Variants in NHSL1 observed in about 807,000 individuals in gnomAD.
NHSL1 encodes NHS-like protein 1.
A neutral mutation model predicts 95.0 loss-of-function variants in NHSL1; 48 were observed. That is an observed-to-expected ratio of 0.51 (90% confidence interval 0.40 to 0.64). The LOEUF (loss-of-function observed/expected upper bound fraction) is 0.64. NHSL1 is among the 30% of genes least tolerant of loss of function. The pLI is 0.00. For synonymous variants in NHSL1, 783 were observed against 833.9 expected, an observed-to-expected ratio of 0.94 and a Z score of 1.05; for missense variants, 1,971 against 2,077.7, an observed-to-expected ratio of 0.95 and a Z score of 1.00.
chr6:138,518,797 C>T (rs887896426), intron 1 of NHSL1, among the ~76,000 whole-genome samples: 6 of 152,242 alleles, frequency 3.9e-5, no homozygotes, highest in African/African-American at 4.8e-5. Context: ...GCCAGCAGAT[C>T]GCCTGAGGTC....
chr6:138,454,647 C>A (rs752376050), intron 3 of NHSL1, among the ~76,000 whole-genome samples: 7 of 151,582 alleles, frequency 4.6e-5, no homozygotes, highest in Admixed American at 3.3e-4. Flanking sequence ...AAGTTGTATA[C>A]TTTAAATATG....
At chr6:138,641,198 G>C (rs1461943719) in intron 1 of NHSL1, among the ~76,000 whole-genome samples, 1 of 152,150 alleles carries the variant, frequency 6.6e-6, no homozygotes, top group Non-Finnish European at 1.5e-5. Context: ...AGTTCAATGG[G>C]ATCCCAGCTC....
At chr6:138,615,331 T>C (rs1784564672) in intron 1 of NHSL1, among the ~76,000 whole-genome samples, 1 of 152,246 alleles carries the variant, frequency 6.6e-6, no homozygotes, top group Admixed American at 6.5e-5. Flanking sequence ...ATTTTGCTGG[T>C]GGAAATTATG....
rs117549348 is a variant in NHSL1 at position 138,459,448 on chromosome 6, C to T, written c.340-12255G>A. The stretch of plus-strand genomic sequence containing the variant: ...TTGATTGCTGTATATTACTTGTATA[C>T]CTTACTATATCATTGAACTGTTATT... On this transcript the variant is annotated intron_variant, in intron 3 of 7. Transcript: ENST00000343505. 5.1e-3 allele frequency among the ~76,000 whole-genome samples: 773 copies of T among 152,164 alleles called. 10 individuals carry two copies. Among genetic ancestry groups the T allele is most frequent in the Admixed American group, 0.029 (445 of 15,274 alleles).
chr6:138,539,577 G>C (rs567821505), intron 1 of NHSL1, among the ~76,000 whole-genome samples: 1 of 152,216 alleles, frequency 6.6e-6, no homozygotes, highest in South Asian at 2.1e-4. Context: ...GCTAAGGTGA[G>C]GTAGGGGGCC....
In NHSL1 at chr6:138,493,662, G is replaced by A. The variant is rs569355598; in HGVS notation, c.211+2557C>T. ...AGAAATGCTAATGAGGCACTGCCTCGGGGATTTGTCCTGGGAACGGTGCCA... is the reference window on the plus strand; with the variant it reads ...AGAAATGCTAATGAGGCACTGCCTCAGGGATTTGTCCTGGGAACGGTGCCA... On this transcript the variant is annotated intron_variant, in intron 2 of 7. Transcript: ENST00000343505. Among the ~76,000 whole-genome samples the A allele has an allele frequency of 7.2e-5, 11 of 152,338 alleles. No homozygotes were observed. The East Asian group carries it at 7.7e-4, about 11-fold the overall frequency.
chr6:138,433,408 G>C lies in NHSL1; in HGVS notation c.937C>G (p.Pro313Ala). 7.1e-6 allele frequency: 11 copies of C among 1,552,302 alleles called. No individual in the cohort carries two copies. Among genetic ancestry groups the C allele is most frequent in the Non-Finnish European group, 9.6e-6 (11 of 1,147,130 alleles). The part of the protein sequence containing the change: ...VLSDSAGIVF[P>A]SRLDSDAGFH... ...CCAGCATCACTGTCAAGGCGGGAAG[G>C]GAATACGATCCCTGCAGAATCGCTC... Residue 313 changes from proline (P) to alanine (A), a missense_variant, in exon 6 of 8, where the codon CCT becomes GCT. By Grantham distance (27) the Pro-to-Ala change is conservative (BLOSUM62 -1). This residue lies in a region of NHSL1 where 1,602 missense variants were observed against 1,654.5 expected (regional missense o/e 0.97). Transcript: ENST00000343505.
intron 1 of NHSL1, among the ~76,000 whole-genome samples, chr6:138,524,341 T>A (rs1781812424): frequency 6.6e-6 from 1 of 152,158 alleles, no homozygotes; most frequent in Non-Finnish European, 1.5e-5. Flanking sequence ...CAGATCAAGA[T>A]AGAGATCATT....
intron 1 of NHSL1, among the ~76,000 whole-genome samples, chr6:138,687,600 C>A (rs1289348168): frequency 6.6e-6 from 1 of 152,166 alleles, no homozygotes. Flanking sequence ...TATAATATAA[C>A]CTGGCCTTCC....
At chr6:138,543,921 T>G (rs142618444) in intron 1 of NHSL1, among the ~76,000 whole-genome samples, 263 of 152,314 alleles carry the variant, frequency 1.7e-3, no homozygotes, top group Non-Finnish European at 3.1e-3. Flanking sequence ...GAACACACAC[T>G]TCAGCGTAAA....
At chr6:138,669,995 C>T (rs780720366) in intron 1 of NHSL1, among the ~76,000 whole-genome samples, 34 of 152,072 alleles carry the variant, frequency 2.2e-4, no homozygotes, top group Non-Finnish European at 4.0e-4. Context: ...GTAACATGTG[C>T]CTGTAATCCC....
intron 1 of NHSL1, among the ~76,000 whole-genome samples, chr6:138,671,254 C>T (rs1251007543): frequency 1.3e-5 from 2 of 151,928 alleles, no homozygotes; most frequent in East Asian, 1.9e-4. Context: ...GTCAGGAGTT[C>T]GAGACCAGCC....
intron 1 of NHSL1, among the ~76,000 whole-genome samples, chr6:138,685,523 C>G (rs1562413010): frequency 6.6e-6 from 1 of 151,956 alleles, no homozygotes; most frequent in Non-Finnish European, 1.5e-5. Context: ...ATGTGACGAT[C>G]CACGCACTCT....
At position 138,670,858 on chromosome 6, in the gene NHSL1, G is replaced by T. The variant is rs564219437; in HGVS notation, c.96+21618C>A. Reference sequence around the variant, plus strand: ...AGAAGGACTGAAAAAGAAAGAATAAGAAATGGACCAGATAGGCCAAGCACA... The same window carrying T: ...AGAAGGACTGAAAAAGAAAGAATAATAAATGGACCAGATAGGCCAAGCACA... On this transcript the variant is annotated intron_variant, in intron 1 of 3. Coordinates refer to the NHSL1 transcript ENST00000491526. Among the ~76,000 whole-genome samples the T allele has an allele frequency of 4.8e-4, 73 of 152,048 alleles. 1 individual carries two copies. In the South Asian group the frequency reaches 0.011, roughly 23 times the overall value.
At chr6:138,592,588 C>A (rs189651342) in intron 1 of NHSL1, among the ~76,000 whole-genome samples, 14 of 150,774 alleles carry the variant, frequency 9.3e-5, no homozygotes, top group Non-Finnish European at 1.3e-4. Context: ...GGCGACAGAG[C>A]GAGACTGTCG....
chr6:138,527,588 T>C (rs1269615836), intron 1 of NHSL1, among the ~76,000 whole-genome samples: 1 of 152,008 alleles, frequency 6.6e-6, no homozygotes, highest in East Asian at 1.9e-4. Context: ...CATTTACATA[T>C]GAACAGTGGA....
chr6:138,612,297 C>G (rs1165633433), intron 1 of NHSL1, among the ~76,000 whole-genome samples: 2 of 151,982 alleles, frequency 1.3e-5, no homozygotes, highest in African/African-American at 4.8e-5. Context: ...CACATATGTA[C>G]AGAAACACTA....
chr6:138,593,263 G>A (rs73564377), intron 1 of NHSL1, among the ~76,000 whole-genome samples: 4,300 of 152,250 alleles, frequency 0.028, 195 homozygotes, highest in African/African-American at 0.098. Flanking sequence ...CTAGAATCCC[G>A]TTGTCCTTGC....
chr6:138,503,963 G>T (rs1780823992), upstream of NHSL1, among the ~76,000 whole-genome samples: 1 of 152,026 alleles, frequency 6.6e-6, no homozygotes, highest in African/African-American at 2.4e-5. Context: ...GGATGTAATG[G>T]CTCACACCTG....
Sources: allele counts gnomAD v4.1 joint callset (sites outside exome capture counted in the v4.1 genomes callset), GRCh38; gene constraint gnomAD v4.1.1; regional missense constraint gnomAD v4.1.1; transcripts MANE v1.5; gene names NCBI Gene and HGNC (gene_info 2026-07-23, HGNC 2026-07-21).